STK31: variants seen among roughly 807,000 people sequenced by gnomAD.
STK31 encodes the protein serine/threonine kinase 31.
A neutral mutation model predicts 129.7 loss-of-function variants in STK31; 89 were observed. The observed-to-expected ratio is 0.69, with a 90% CI of 0.58 to 0.82. STK31 has a LOEUF of 0.82. STK31 is among the 40% of genes least tolerant of loss of function. STK31 has a pLI of 0.00. For missense variants in STK31, 1,187 were observed against 1,176.4 expected (o/e 1.01, Z -0.13); for synonymous variants, 448 against 395.3 (o/e 1.13, Z -1.58).
At chr7:23,754,249 G>A in intron 9 of STK31, 66 bp from the exon 10 acceptor site, 1 of 1,542,116 alleles carries the variant, frequency 6.5e-7, no homozygotes, top group Non-Finnish European at 8.8e-7. Flanking sequence ...CTATTAAAGT[G>A]TAACTTTTTC....
chr7:23,783,585 G>C lies in STK31; in HGVS notation c.2070G>C (p.Glu690Asp). The C allele has an allele frequency of 6.2e-7, 1 of 1,604,778 alleles. No individual in the cohort carries two copies. Among genetic ancestry groups the C allele is most frequent in the Non-Finnish European group, 8.5e-7 (1 of 1,177,928 alleles). Residue 690 changes from glutamate to aspartate, a missense_variant and splice_region_variant, in exon 17 of 24, where the codon GAG (glutamate) becomes GAC (aspartate). Coordinates refer to ENST00000355870, the MANE Select transcript of STK31 (RefSeq NM_031414.5). ...QEIYHEREEYEMLTSLAQKWF... is the reference protein window; with the variant it reads ...QEIYHEREEYDMLTSLAQKWF... ...AAACTTTTTTTTTTTAACTTTAGGA[G>C]ATGCTAACTAGTTTGGCACAGAAAT...
At chr7:23,803,982 T>C (rs1370023066) in intron 22 of STK31, among the ~76,000 whole-genome samples, 1 of 152,232 alleles carries the variant, frequency 6.6e-6, no homozygotes, top group Admixed American at 6.5e-5. Flanking sequence ...TGTCTGATGT[T>C]ACATTGAAAA....
At chr7:23,824,029 C>T (rs139510525) in intron 23 of STK31, among the ~76,000 whole-genome samples, 3,780 of 152,194 alleles carry the variant, frequency 0.025, 88 homozygotes, top group African/African-American at 0.061. Context: ...AGTCAGGTAG[C>T]GTGATGCCTC....
At chr7:23,739,905 C>T (rs1478791343) in intron 8 of STK31, among the ~76,000 whole-genome samples, 1 of 152,058 alleles carries the variant, frequency 6.6e-6, no homozygotes, top group Non-Finnish European at 1.5e-5. Flanking sequence ...AGTCAGATAG[C>T]GTGATGTCTC....
At chr7:23,752,434 C>T (rs916919885) in intron 8 of STK31, among the ~76,000 whole-genome samples, 4 of 151,136 alleles carry the variant, frequency 2.6e-5, no homozygotes, top group Admixed American at 6.6e-5. Context: ...GCTGCAACCT[C>T]TGCCTCCCTA....
At chr7:23,808,969 G>GTGTGTGTGTGTGTGTGTGTGTGTGCC (rs1352965612) in intron 22 of STK31, among the ~76,000 whole-genome samples, 1 of 145,164 alleles carries the variant, frequency 6.9e-6, no homozygotes, top group Non-Finnish European at 1.5e-5. Flanking sequence ...GTGTGTGTGT[G>GTGTGTGTGTGTGTGTGTGTGTGTGCC]TGCCTGTGTC....
In STK31 at chr7:23,769,171, A is replaced by G. The variant is rs1790020414; in HGVS notation, c.1593A>G (p.Leu531=). The G allele has an allele frequency of 2.6e-6, 4 of 1,551,362 alleles. No individual in the cohort carries two copies. In the South Asian group the frequency reaches 3.9e-5, roughly 15 times the overall value. ...TTGTAGCATGGTTCCAAAGAACCTTAAAGGTAATAAAAGCTCCTGCCCGGT... is the reference window on the plus strand; with the variant it reads ...TTGTAGCATGGTTCCAAAGAACCTTGAAGGTAATAAAAGCTCCTGCCCGGT... ...HRLVAWFQRT[L]KVFDLSVEGS... Residue 531 remains leucine (L), a synonymous_variant, in exon 12 of 24, where the codon TTA becomes TTG. Transcript: ENST00000355870.
chr7:23,800,956 G>A (rs1048501706), intron 22 of STK31, among the ~76,000 whole-genome samples: 1 of 152,092 alleles, frequency 6.6e-6, no homozygotes, highest in Admixed American at 6.6e-5. Flanking sequence ...TTGTTCACCT[G>A]TTGCAGAACA....
Position 23,735,884 on chromosome 7 carries a change from T to C in STK31, c.830T>C (p.Ile277Thr), listed in dbSNP as rs55950645. The C allele has an allele frequency of 2.8e-5, 44 of 1,574,122 alleles. No individual in the cohort carries two copies. Among genetic ancestry groups the C allele is most frequent in the Middle Eastern group, 3.4e-4 (2 of 5,868 alleles). Residue 277 changes from isoleucine to threonine, a missense_variant, in exon 7 of 24, where the codon ATA becomes ACA. Physicochemically the swap from Ile to Thr is moderately conservative, Grantham distance 89. This residue lies in a region of STK31 where 975 missense variants were observed against 934.9 expected (regional missense o/e 1.04). Transcript: ENST00000355870. ...LKDENDAGNL[I>T]TFPKESLAVG... is the part of the protein sequence containing the mutation. ...GATGAAAATGATGCAGGCAATCTTATAACATTTCCAAAGTAAGAATTTAGT... is the reference window on the plus strand; with the variant it reads ...GATGAAAATGATGCAGGCAATCTTACAACATTTCCAAAGTAAGAATTTAGT...
At chr7:23,712,444 T>A (rs1335742153) in intron 3 of STK31, among the ~76,000 whole-genome samples, 158 bp downstream of exon 3, 1 of 152,186 alleles carries the variant, frequency 6.6e-6, no homozygotes, top group African/African-American at 2.4e-5. Context: ...GAGACAAATG[T>A]TGACAGCTGT....
At chr7:23,744,597 A>T (rs912811051) in intron 8 of STK31, among the ~76,000 whole-genome samples, 3 of 152,132 alleles carry the variant, frequency 2.0e-5, no homozygotes, top group African/African-American at 7.2e-5. Flanking sequence ...ATAATTTTGT[A>T]GGGGAGGATC....
At chr7:23,808,982 T>TG (rs1230870285) in intron 22 of STK31, among the ~76,000 whole-genome samples, 4 of 149,364 alleles carry the variant, frequency 2.7e-5, no homozygotes, top group East Asian at 2.0e-4. Flanking sequence ...CCTGTGTCTG[T>TG]TGGCATTTCT....
rs117909976 is a variant in STK31, at chr7:23,752,935, C to T, written c.1133+103C>T. On this transcript the variant is annotated intron_variant, in intron 9 of 23. Coordinates refer to ENST00000355870, the MANE Select transcript of STK31 (RefSeq NM_031414.5). ...TTGCCATTTTTGCTTTAAAATTTAACCTTTGTATTTTTATGACTTCAAAGA... is the reference window on the plus strand; with the variant it reads ...TTGCCATTTTTGCTTTAAAATTTAATCTTTGTATTTTTATGACTTCAAAGA... The T allele has an allele frequency of 1.1e-3, 817 of 740,600 alleles. 12 individuals carry two copies. The East Asian group carries it at 0.021, about 19-fold the overall frequency. The allele number at this position is 740,600 out of a possible 1,614,324, so 45.9% of individuals were successfully genotyped here.
At chr7:23,798,205 G>A (rs184616304) in intron 22 of STK31, among the ~76,000 whole-genome samples, 41 of 152,236 alleles carry the variant, frequency 2.7e-4, no homozygotes, top group East Asian at 1.9e-4. Flanking sequence ...TTCTGAAACT[G>A]TTCCAAACAG....
rs568154962 is a variant in STK31, at chr7:23,769,879, A to G, written c.1713+123A>G. The G allele has an allele frequency of 3.2e-4, 174 of 551,034 alleles. 3 individuals carry two copies. The South Asian group carries it at 6.5e-3, about 21-fold the overall frequency. The allele number at this position is 551,034 out of a possible 1,614,324, so 34.1% of individuals were successfully genotyped here. A position where few individuals can be genotyped will look rare whatever the true frequency, so the allele number is the denominator to read the frequency against. On this transcript the variant is annotated intron_variant, in intron 13 of 23. Transcript: ENST00000355870. ...GTTAGAAAGTATTAAGACTGATCTT[A>G]GCTTTCTTCTAATAGGCTTGTTGAA...
intron 4 of STK31, chr7:23,725,759 T>C (rs1200971262): frequency 6.6e-6 from 1 of 152,196 alleles, no homozygotes; most frequent in Non-Finnish European, 1.5e-5. Context: ...TTCGCATGTT[T>C]ATGTTTTAAA....
At chr7:23,736,633 T>G (rs1454602616) in intron 7 of STK31, among the ~76,000 whole-genome samples, 1 of 152,016 alleles carries the variant, frequency 6.6e-6, no homozygotes, top group East Asian at 1.9e-4. Flanking sequence ...ACAGAAATGC[T>G]TTTTACTTTG....
At chr7:23,789,106 A>T (rs1165999694) in intron 21 of STK31, among the ~76,000 whole-genome samples, 1 of 152,148 alleles carries the variant, frequency 6.6e-6, no homozygotes, top group Non-Finnish European at 1.5e-5. Context: ...TTCAGAGTTC[A>T]TCCACGTTAT....
At chr7:23,797,971 C>T (rs566757402) in intron 22 of STK31, among the ~76,000 whole-genome samples, 1 of 152,284 alleles carries the variant, frequency 6.6e-6, no homozygotes, top group African/African-American at 2.4e-5. Context: ...GCAATAAACA[C>T]CTCTATGCAA....
Sources: gnomAD v4.1 joint callset for allele counts (sites outside exome capture counted in the v4.1 genomes callset) on GRCh38, gnomAD v4.1.1 for gene constraint, gnomAD v4.1.1 regional missense constraint, MANE v1.5 for transcripts, NCBI Gene and HGNC (gene_info 2026-07-23, HGNC 2026-07-21) for gene names.